The following SLC24A3 variants were observed in gnomAD, a reference collection of about 807,000 sequenced individuals.
The protein encoded by SLC24A3 is solute carrier family 24 member 3.
SLC24A3 carries 28 observed loss-of-function variants against 75.8 expected under a neutral mutation model. That is an observed-to-expected ratio of 0.37 (90% confidence interval 0.27 to 0.51). The LOEUF is 0.51. Ranked by LOEUF, SLC24A3 falls within the 20% of genes least tolerant of loss-of-function variation. The pLI, the probability that SLC24A3 is intolerant of heterozygous loss-of-function variation, is 0.94. For synonymous variants in SLC24A3, 372 were observed against 334.1 expected (o/e 1.11, Z -1.24); for missense variants, 663 against 847.8 (o/e 0.78, Z 2.71).
chr20:19,685,741 T>A (rs2032668057), intron 12 of SLC24A3, among the ~76,000 whole-genome samples: 1 of 152,146 alleles, frequency 6.6e-6, no homozygotes. Context: ...CAGTCTCAAA[T>A]CCATCTCGCT....
At chr20:19,464,344 G>A (rs573514128) in intron 2 of SLC24A3, among the ~76,000 whole-genome samples, 14 of 152,278 alleles carry the variant, frequency 9.2e-5, no homozygotes, top group African/African-American at 3.1e-4. Flanking sequence ...GCACATGCGT[G>A]CATATTAATG....
intron 2 of SLC24A3, among the ~76,000 whole-genome samples, chr20:19,360,297 T>C (rs965466187): frequency 2.0e-5 from 3 of 152,214 alleles, no homozygotes; most frequent in East Asian, 1.9e-4. Flanking sequence ...CAAGTCAACA[T>C]GCAAAAATCT....
chr20:19,557,724 A>C (rs562066966), intron 3 of SLC24A3, among the ~76,000 whole-genome samples: 94 of 152,236 alleles, frequency 6.2e-4, no homozygotes, highest in Non-Finnish European at 1.1e-3. Flanking sequence ...TCACTTGAGA[A>C]TCTTGGGCAA....
intron 3 of SLC24A3, among the ~76,000 whole-genome samples, chr20:19,528,169 CTTT>C (rs1404799675): frequency 6.6e-6 from 1 of 152,126 alleles, no homozygotes; most frequent in Non-Finnish European, 1.5e-5. Flanking sequence ...TCTGGTGCTT[CTTT>C]GTTTTCACAG....
At chr20:19,594,945 A>T (rs577889773) in intron 6 of SLC24A3, among the ~76,000 whole-genome samples, 1 of 152,254 alleles carries the variant, frequency 6.6e-6, no homozygotes, top group South Asian at 2.1e-4. Flanking sequence ...AAGACATTGC[A>T]CTCTGTGAAG....
chr20:19,584,055 C>T (rs906638401), intron 4 of SLC24A3, among the ~76,000 whole-genome samples: 1 of 152,228 alleles, frequency 6.6e-6, no homozygotes. Flanking sequence ...GTCACTCAAG[C>T]TTGACTGCCA....
rs570176408 is a variant in SLC24A3, at chr20:19,412,855, C to T, written c.272-102633C>T. On this transcript the variant is annotated intron_variant, in intron 2 of 16. Transcript: ENST00000328041. The stretch of plus-strand genomic sequence containing the variant: ...CAGCCCCTAAACTCCCAGTAACCAG[C>T]CAATTGATATTACTTTGGAGGCCTC... Among the ~76,000 whole-genome samples, 17 of 152,232 alleles carry T rather than the reference C, an allele frequency of 1.1e-4. No individual in the cohort carries two copies. The South Asian group carries it at 1.5e-3, about 13-fold the overall frequency.
chr20:19,480,118 A>G (rs974019711), intron 2 of SLC24A3, among the ~76,000 whole-genome samples: 1 of 152,160 alleles, frequency 6.6e-6, no homozygotes, highest in African/African-American at 2.4e-5. Flanking sequence ...TAACAATGTT[A>G]TAATCATACT....
chr20:19,627,136 C>T (rs148886992), intron 6 of SLC24A3, among the ~76,000 whole-genome samples: 1 of 152,132 alleles, frequency 6.6e-6, no homozygotes, highest in East Asian at 1.9e-4. Flanking sequence ...ATGCAACAGG[C>T]ACTTAGGAAA....
At chr20:19,254,552 A>C (rs1982753713) in intron 1 of SLC24A3, among the ~76,000 whole-genome samples, 2 of 152,008 alleles carry the variant, frequency 1.3e-5, no homozygotes, top group South Asian at 4.2e-4. Context: ...ATAAATCCAG[A>C]CCCTTGTGGC....
intron 2 of SLC24A3, among the ~76,000 whole-genome samples, chr20:19,493,310 T>C (rs1988233987): frequency 6.6e-6 from 1 of 152,198 alleles, no homozygotes; most frequent in African/African-American, 2.4e-5. Flanking sequence ...TGGAAGTTGG[T>C]CTAGGATGCA....
In SLC24A3 at chr20:19,624,261, A is replaced by G. The variant is rs185974455; in HGVS notation, c.613-29801A>G. 6.0e-4 allele frequency among the ~76,000 whole-genome samples: 92 copies of G among 152,184 alleles called. 1 individual carries two copies. The highest frequency in any genetic ancestry group is 1.2e-3 in the Admixed American group (18 of 15,296). On this transcript the variant is annotated intron_variant, in intron 6 of 16. Coordinates refer to ENST00000328041, the MANE Select transcript of SLC24A3 (RefSeq NM_020689.4). ...CTCTAAAGGTCATTTTTCCAAAGTC[A>G]CTCAGTGACAGCTCTGTAGGCAAGT...
chr20:19,678,846 G>A (rs1448006161), intron 9 of SLC24A3, among the ~76,000 whole-genome samples: 32 of 151,034 alleles, frequency 2.1e-4, no homozygotes, highest in African/African-American at 7.5e-4. Flanking sequence ...GGGCAGAGAC[G>A]CTCCTCACCT....
intron 7 of SLC24A3, among the ~76,000 whole-genome samples, chr20:19,656,719 G>C (rs2122712652): frequency 6.6e-6 from 1 of 152,288 alleles, no homozygotes; most frequent in East Asian, 1.9e-4. Context: ...ATGAAGACAA[G>C]GTGGTGGAAC....
chr20:19,612,596 C>A (rs189796442), intron 6 of SLC24A3, among the ~76,000 whole-genome samples: 80 of 128,432 alleles, frequency 6.2e-4, no homozygotes, highest in Admixed American at 3.2e-3. Context: ...AACTCAAGAA[C>A]CCTTAAGAAA....
At chr20:19,651,876 A>T (rs1453260035) in intron 6 of SLC24A3, among the ~76,000 whole-genome samples, 1 of 151,640 alleles carries the variant, frequency 6.6e-6, no homozygotes, top group Non-Finnish European at 1.5e-5. Context: ...AAAAAAAAAA[A>T]ATCCATGTCC....
At chr20:19,604,692 A>G (rs1183432737) in intron 6 of SLC24A3, among the ~76,000 whole-genome samples, 1 of 152,158 alleles carries the variant, frequency 6.6e-6, no homozygotes, top group Non-Finnish European at 1.5e-5. Flanking sequence ...ACACGACCTC[A>G]AGTGTGAGCC....
chr20:19,373,872 G>A (rs6112332), intron 2 of SLC24A3, among the ~76,000 whole-genome samples: 1,944 of 152,188 alleles, frequency 0.013, 32 homozygotes, highest in African/African-American at 0.045. Flanking sequence ...TGGGAGCAGG[G>A]TGGGCAGGGA....
chr20:19,547,331 G>A (rs186150337), intron 3 of SLC24A3, among the ~76,000 whole-genome samples: 36 of 152,256 alleles, frequency 2.4e-4, no homozygotes, highest in Admixed American at 1.8e-3. Context: ...TCTAGAAAAG[G>A]CAAACTAATG....
Sources: allele counts gnomAD v4.1 joint callset (sites outside exome capture counted in the v4.1 genomes callset), GRCh38; gene constraint gnomAD v4.1.1; transcripts MANE v1.5; gene names NCBI Gene and HGNC (gene_info 2026-07-23, HGNC 2026-07-21).